Variants in PEAK1 observed in about 807,000 individuals in gnomAD.
PEAK1 encodes the protein inactive tyrosine-protein kinase PEAK1.
In PEAK1, 54 loss-of-function variants were observed where a neutral mutation model predicts 124.7. The ratio of observed to expected loss-of-function variants is 0.43; its 90% CI spans 0.35 to 0.54. PEAK1 has a LOEUF of 0.54. Ranked by LOEUF, PEAK1 falls within the 20% of genes least tolerant of loss-of-function variation. PEAK1 has a pLI of 0.01. For synonymous variants in PEAK1, 719 were observed against 760.0 expected (o/e 0.95, Z 0.89); for missense variants, 2,046 against 2,134.5 (o/e 0.96, Z 0.82).
chr15:77,271,853 C>T (rs958237882), intron 5 of PEAK1, among the ~76,000 whole-genome samples: 2 of 151,992 alleles, frequency 1.3e-5, no homozygotes, highest in African/African-American at 2.4e-5. Flanking sequence ...ATGGGTGCAG[C>T]ACACCAACAC....
At chr15:77,377,182 G>A (rs981458187) in intron 1 of PEAK1, among the ~76,000 whole-genome samples, 2 of 152,176 alleles carry the variant, frequency 1.3e-5, no homozygotes, top group Non-Finnish European at 2.9e-5. Context: ...CCCTGTTTGA[G>A]ACCAACCTAG....
intron 1 of PEAK1, among the ~76,000 whole-genome samples, chr15:77,369,427 G>A (rs1238250050): frequency 1.3e-5 from 2 of 152,070 alleles, no homozygotes; most frequent in Non-Finnish European, 2.9e-5. Context: ...AGTTGGTCTT[G>A]GTTTTCTAAA....
chr15:77,227,856 G>A (rs1393967232), intron 6 of PEAK1, among the ~76,000 whole-genome samples: 1 of 151,770 alleles, frequency 6.6e-6, no homozygotes, highest in Non-Finnish European at 1.5e-5. Context: ...AATTAGCCTG[G>A]TATGGTGGTG....
chr15:77,240,994 A>G (rs1255407332), intron 6 of PEAK1, among the ~76,000 whole-genome samples: 2 of 152,180 alleles, frequency 1.3e-5, no homozygotes, highest in Non-Finnish European at 2.9e-5. Flanking sequence ...AATGTTTGGT[A>G]TAATTTGTTT....
At chr15:77,153,763 A>C (rs1424639663) in intron 8 of PEAK1, among the ~76,000 whole-genome samples, 1 of 152,128 alleles carries the variant, frequency 6.6e-6, no homozygotes, top group African/African-American at 2.4e-5. Flanking sequence ...ATTCAGGAGC[A>C]GGTTGTTCAG....
rs529148691 is a variant in PEAK1, at chr15:77,170,095, C to T, written c.3137+8695G>A. Among the ~76,000 whole-genome samples the T allele has an allele frequency of 7.9e-5, 12 of 152,130 alleles. No individual in the cohort carries two copies. In the South Asian group the frequency reaches 1.2e-3, roughly 16 times the overall value. On this transcript the variant is annotated intron_variant, in intron 7 of 9. Transcript: ENST00000682557. ...TTAGCTACTAGGGTTTAAAGAACCC[C>T]TTTTTCATATATGACTATAATGGAA...
rs1189423654 is a variant in PEAK1 at position 77,112,658 on chromosome 15, CAT to C, written c.*1496_*1497del. 2.6e-5 allele frequency: 2 copies of C among 77,614 alleles called. No homozygotes were observed. The highest frequency in any genetic ancestry group is 5.0e-4 in the South Asian group (1 of 1,998). 4.8% of individuals were successfully genotyped at this position (77,614 alleles called of 1,614,324 possible). ...ACAAGCACAGGTGAACATGTGTATA[CAT>C]ACACACACACACACACACACACACA... is the stretch of plus-strand genomic sequence containing the variant. On this transcript the variant is annotated 3_prime_UTR_variant, in exon 10 of 10. Transcript: ENST00000682557.
At chr15:77,307,937 T>A (rs2064197463) in intron 2 of PEAK1, among the ~76,000 whole-genome samples, 1 of 152,054 alleles carries the variant, frequency 6.6e-6, no homozygotes, top group Admixed American at 6.6e-5. Context: ...CAAGTTTAAA[T>A]CTTCCTTTAG....
At chr15:77,385,992 G>A (rs1020769099) in intron 1 of PEAK1, among the ~76,000 whole-genome samples, 3 of 152,104 alleles carry the variant, frequency 2.0e-5, no homozygotes, top group African/African-American at 2.4e-5. Context: ...CTGAGTCTTC[G>A]TCTCTTCATG....
At position 77,207,506 on chromosome 15, in the gene PEAK1, C is replaced by G. The variant is rs1388616945; in HGVS notation, c.-114-25466G>C. ...TAATGACAAAAATGAGTTACCAAGC[C>G]AAGAAAAGACAAAGACATAGAAGAA... On this transcript the variant is annotated intron_variant, in intron 6 of 9. Coordinates refer to ENST00000682557, the MANE Select transcript of PEAK1 (RefSeq NM_001385026.1). Among the ~76,000 whole-genome samples, 11 of 152,114 alleles carry G rather than the reference C, an allele frequency of 7.2e-5. No individual in the cohort carries two copies. In the East Asian group the frequency reaches 1.9e-3, roughly 27 times the overall value.
At chr15:77,198,697 A>T (rs554278473) in intron 6 of PEAK1, among the ~76,000 whole-genome samples, 289 of 152,342 alleles carry the variant, frequency 1.9e-3, no homozygotes, top group Non-Finnish European at 3.4e-3. Context: ...CTGTAATATT[A>T]TTCAAGAAAA....
At chr15:77,377,390 T>C (rs1358576712) in intron 1 of PEAK1, among the ~76,000 whole-genome samples, 1 of 150,754 alleles carries the variant, frequency 6.6e-6, no homozygotes, top group Non-Finnish European at 1.5e-5. Flanking sequence ...TCTCAAAAAA[T>C]AAAGTAAAAC....
At chr15:77,265,547 T>C (rs566751346) in intron 5 of PEAK1, among the ~76,000 whole-genome samples, 145 of 152,194 alleles carry the variant, frequency 9.5e-4, no homozygotes, top group Non-Finnish European at 1.5e-3. Context: ...AAATCCAAAC[T>C]GCAATGAGAT....
chr15:77,418,292 G>C (rs757987882), intron 1 of PEAK1: 5 of 985,390 alleles, frequency 5.1e-6, no homozygotes, highest in Non-Finnish European at 6.0e-6. Context: ...ATGGGGGGTA[G>C]TGAGGGAAAA....
chr15:77,148,652 C>T (rs2054344739), intron 8 of PEAK1, among the ~76,000 whole-genome samples: 1 of 152,110 alleles, frequency 6.6e-6, no homozygotes, highest in Non-Finnish European at 1.5e-5. Context: ...TATGGTGGCT[C>T]ACCCTTGTAA....
chr15:77,208,438 T>C (rs2058760578), intron 6 of PEAK1, among the ~76,000 whole-genome samples: 1 of 152,186 alleles, frequency 6.6e-6, no homozygotes, highest in Non-Finnish European at 1.5e-5. Context: ...GACCACTCCC[T>C]TGTCTAGAGT....
chr15:77,102,272 T>C (rs775902165), exon 7 of PEAK1: 1 of 152,236 alleles, frequency 6.6e-6, no homozygotes, highest in Non-Finnish European at 1.5e-5. Flanking sequence ...TTCCTAATGA[T>C]TTGTATCAGC....
chr15:77,273,166 A>T (rs548341213), intron 5 of PEAK1, among the ~76,000 whole-genome samples: 2 of 152,328 alleles, frequency 1.3e-5, no homozygotes, highest in East Asian at 3.9e-4. Context: ...ACTATACTGA[A>T]TGGGGAAAAG....
chr15:77,408,187 A>ACACACC (rs1491507372), intron 1 of PEAK1, among the ~76,000 whole-genome samples: 1 of 145,662 alleles, frequency 6.9e-6, no homozygotes, highest in African/African-American at 2.5e-5. Flanking sequence ...ACACACACAC[A>ACACACC]CCCTGGAATA....
Sources: allele counts gnomAD v4.1 joint callset (sites outside exome capture counted in the v4.1 genomes callset), GRCh38; gene constraint gnomAD v4.1.1; transcripts MANE v1.5; gene names NCBI Gene and HGNC (gene_info 2026-07-23, HGNC 2026-07-21).